Variants in PCLO observed in about 807,000 individuals in gnomAD.
PCLO encodes the protein protein piccolo.
PCLO carries 82 observed loss-of-function variants against 427.5 expected under a neutral mutation model. The observed-to-expected ratio is 0.19, with a 90% CI of 0.16 to 0.23. PCLO has a LOEUF of 0.23. Ranked by LOEUF, PCLO falls within the 10% of genes least tolerant of loss-of-function variation. The pLI is 1.00. For missense variants in PCLO, 6,239 were observed against 6,115.9 expected (o/e 1.02, Z -0.67); for synonymous variants, 2,357 against 2,155.4 (o/e 1.09, Z -2.59).
intron 20 of PCLO, among the ~76,000 whole-genome samples, chr7:82,806,731 C>G (rs1791466782): frequency 6.6e-6 from 1 of 152,222 alleles, no homozygotes; most frequent in Non-Finnish European, 1.5e-5. Context: ...TCTTTAGCAA[C>G]TGTACACTGC....
chr7:82,890,201 A>G (rs1454814528), intron 9 of PCLO, among the ~76,000 whole-genome samples: 1 of 152,088 alleles, frequency 6.6e-6, no homozygotes, highest in Non-Finnish European at 1.5e-5. Context: ...AAAGCAGAGT[A>G]ACAAAAATAT....
chr7:83,041,043 CAT>C (rs1788961308), intron 3 of PCLO, among the ~76,000 whole-genome samples: 1 of 152,084 alleles, frequency 6.6e-6, no homozygotes, highest in South Asian at 2.1e-4. Context: ...TATGACAAAA[CAT>C]AATTATTTTG....
At chr7:83,066,444 A>G (rs1789672505) in intron 3 of PCLO, among the ~76,000 whole-genome samples, 1 of 152,130 alleles carries the variant, frequency 6.6e-6, no homozygotes, top group South Asian at 2.1e-4. Context: ...ACATACATGT[A>G]CACCTGCATG....
At chr7:82,798,373 G>A (rs1489132141) in intron 22 of PCLO, among the ~76,000 whole-genome samples, 1 of 152,034 alleles carries the variant, frequency 6.6e-6, no homozygotes, top group African/African-American at 2.4e-5. Flanking sequence ...AAATTGAATT[G>A]ACTCGTTTGT....
chr7:82,982,471 G>T (rs1225459118), intron 3 of PCLO, among the ~76,000 whole-genome samples: 1 of 152,032 alleles, frequency 6.6e-6, no homozygotes, highest in Non-Finnish European at 1.5e-5. Context: ...CAGAAGCGGG[G>T]TCATGACTGA....
At position 83,023,024 on chromosome 7, in the gene PCLO, C is replaced by A. The variant is rs117269134; in HGVS notation, c.3301-56537G>T. 4.1e-3 allele frequency among the ~76,000 whole-genome samples: 631 copies of A among 152,178 alleles called. 4 individuals are homozygous for A. The highest frequency in any genetic ancestry group is 7.4e-3 in the Non-Finnish European group (500 of 67,980). On this transcript the variant is annotated intron_variant, in intron 3 of 24. Coordinates refer to ENST00000333891, the MANE Select transcript of PCLO (RefSeq NM_033026.6). ...TAATCAAATCTAAGATAAATATCATCTGTAAATGCATATATCAAATCTGTA... is the reference window on the plus strand; with the variant it reads ...TAATCAAATCTAAGATAAATATCATATGTAAATGCATATATCAAATCTGTA...
intron 22 of PCLO, among the ~76,000 whole-genome samples, chr7:82,775,150 T>C (rs534876664): frequency 6.6e-6 from 1 of 152,338 alleles, no homozygotes; most frequent in African/African-American, 2.4e-5. Context: ...GAAGGACTTG[T>C]TGTTTGCTTC....
Position 83,155,802 on chromosome 7 carries a change from C to T in PCLO, c.839G>A (p.Arg280Lys), listed in dbSNP as rs1375996909. Reference protein sequence around the residue: ...AKLPLQRDASRPQTKQADIVR... With the variant: ...AKLPLQRDASKPQTKQADIVR... ...TATGTCTGCCTGTTTAGTCTGAGGC[C>T]TGGATGCATCTCGTTGAAGTGGCAA... The change falls in exon 2 of 25, where the codon AGG becomes AAG. Residue 280 changes from arginine to lysine, a missense_variant. Physicochemically the swap from Arg to Lys is conservative, Grantham distance 26. Transcript: ENST00000333891. 6.2e-7 allele frequency: 1 copy of T among 1,613,704 alleles called. No individual in the cohort carries two copies. The highest frequency in any genetic ancestry group is 8.5e-7 in the Non-Finnish European group (1 of 1,179,832).
Position 82,952,364 on chromosome 7 carries a change from T to G in PCLO, c.8589A>C (p.Ala2863=). 3 of 1,613,880 alleles carry G rather than the reference T, an allele frequency of 1.9e-6. No individual in the cohort carries two copies. The highest frequency in any genetic ancestry group is 2.5e-6 in the Non-Finnish European group (3 of 1,179,764). The part of the protein sequence containing the change: ...INLSLGTPAH[A]VTLAITKPVT... ...CAGGTTTTGTAATAGCCAATGTCAC[T>G]GCATGTGCTGGAGTACCTAGAGATA... The change falls in exon 5 of 25, where the codon GCA becomes GCC. Residue 2863 remains alanine, a synonymous_variant. Transcript: ENST00000333891.
intron 4 of PCLO, among the ~76,000 whole-genome samples, chr7:82,961,457 A>G (rs1795653949): frequency 6.6e-6 from 1 of 152,188 alleles, no homozygotes; most frequent in Non-Finnish European, 1.5e-5. Context: ...GTTGTGCTGG[A>G]GCCAGATTCC....
chr7:83,088,455 T>A (rs1274931577), intron 3 of PCLO, among the ~76,000 whole-genome samples: 1 of 152,178 alleles, frequency 6.6e-6, no homozygotes, highest in Non-Finnish European at 1.5e-5. Context: ...GGAGAAATGA[T>A]CCTCTTCACT....
At chr7:82,803,703 C>T (rs556985764) in intron 21 of PCLO, among the ~76,000 whole-genome samples, 1 of 152,036 alleles carries the variant, frequency 6.6e-6, no homozygotes, top group Non-Finnish European at 1.5e-5. Context: ...TTTAAATAAT[C>T]GCTAGATATT....
At chr7:82,875,414 C>T (rs377574502) in intron 10 of PCLO, among the ~76,000 whole-genome samples, 12 of 151,980 alleles carry the variant, frequency 7.9e-5, no homozygotes, top group African/African-American at 2.9e-4. Flanking sequence ...ACAAGGTAGA[C>T]TAACTTGTTT....
intron 22 of PCLO, among the ~76,000 whole-genome samples, chr7:82,791,294 A>T (rs867086220): frequency 1.3e-5 from 2 of 152,190 alleles, no homozygotes; most frequent in Non-Finnish European, 2.9e-5. Context: ...TCATAATAAT[A>T]TGTGTAAGAT....
intron 6 of PCLO, among the ~76,000 whole-genome samples, chr7:82,949,047 C>T (rs1795268372): frequency 1.3e-5 from 2 of 152,240 alleles, no homozygotes; most frequent in South Asian, 4.2e-4. Flanking sequence ...AATTCATAGT[C>T]ACCTTTTGCA....
chr7:82,888,077 A>G lies in PCLO; in HGVS notation c.13529-8615T>C, dbSNP rs533122866. 6.0e-5 allele frequency among the ~76,000 whole-genome samples: 9 copies of G among 151,194 alleles called. No individual in the cohort carries two copies. The South Asian group carries it at 1.9e-3, about 31-fold the overall frequency. ...AGAGTAAGGCTCCACCTCAAAACAA[A>G]AAAAAAAAGAAAGAAAGAAAATGAA... is the stretch of plus-strand genomic sequence containing the variant. On this transcript the variant is annotated intron_variant, in intron 9 of 24. Transcript: ENST00000333891.
chr7:82,757,070 T>C lies in PCLO; in HGVS notation c.*1505A>G, dbSNP rs543205518. On this transcript the variant is annotated 3_prime_UTR_variant, in exon 25 of 25. Transcript: ENST00000333891. Reference sequence around the variant, plus strand: ...GGATCATTGATTTATCATCACAACATCTCATTTGGAAGGTTAAGAATATAT... The same window carrying C: ...GGATCATTGATTTATCATCACAACACCTCATTTGGAAGGTTAAGAATATAT... The C allele has an allele frequency of 6.6e-6, 1 of 152,186 alleles. No individual in the cohort carries two copies. The highest frequency in any genetic ancestry group is 2.4e-5 in the African/African-American group (1 of 41,544). The allele number at this position is 152,186 out of a possible 1,614,324, so 9.4% of individuals were successfully genotyped here. A position where few individuals can be genotyped will look rare whatever the true frequency, so the allele number is the denominator to read the frequency against.
intron 2 of PCLO, among the ~76,000 whole-genome samples, chr7:83,137,406 G>A (rs1791756101): frequency 6.6e-6 from 1 of 152,110 alleles, no homozygotes; most frequent in Non-Finnish European, 1.5e-5. Context: ...AACATGGGTG[G>A]TTGGTACATG....
At chr7:83,090,730 A>G (rs1790356406) in intron 3 of PCLO, among the ~76,000 whole-genome samples, 1 of 152,158 alleles carries the variant, frequency 6.6e-6, no homozygotes, top group Admixed American at 6.5e-5. Flanking sequence ...AAAATATTCT[A>G]AATATATATT....
Sources: allele counts gnomAD v4.1 joint callset (sites outside exome capture counted in the v4.1 genomes callset), GRCh38; gene constraint gnomAD v4.1.1; transcripts MANE v1.5; gene names NCBI Gene and HGNC (gene_info 2026-07-23, HGNC 2026-07-21).